Variants in ZNF385C observed in about 807,000 individuals in gnomAD.
The protein encoded by ZNF385C is zinc finger protein 385C.
Under a neutral mutation model 35.4 loss-of-function variants are expected in ZNF385C, and 28 were observed. That is an observed-to-expected ratio of 0.79 (90% confidence interval 0.59 to 1.08). The LOEUF (loss-of-function observed/expected upper bound fraction) is 1.08, where lower values mean the gene tolerates loss of function less well. ZNF385C is among the 50% of genes least tolerant of loss of function. The pLI, the probability that ZNF385C is intolerant of heterozygous loss-of-function variation, is 0.00. For missense variants in ZNF385C, 605 were observed against 595.6 expected (o/e 1.02, Z -0.16); for synonymous variants, 248 against 248.2 (o/e 1.00, Z 0.01).
At chr17:42,064,608 G>GTA (rs1299455733) in intron 1 of ZNF385C, among the ~76,000 whole-genome samples, 1 of 152,168 alleles carries the variant, frequency 6.6e-6, no homozygotes, top group Non-Finnish European at 1.5e-5. Context: ...CACCCAGGCT[G>GTA]TAGTGCATTG....
rs1336779638 is a variant in ZNF385C at position 42,043,517 on chromosome 17, C to T, written c.251-5632G>A. On this transcript the variant is annotated intron_variant, in intron 2 of 8. Transcript: ENST00000692273. ...GGCAGCCCGCCAGGCTAACAGGGCC[C>T]ATCCATCTAAGCCTGGAGAGTTTAT... 4 of 598,260 alleles carry T rather than the reference C, an allele frequency of 6.7e-6. No individual in the cohort carries two copies. In the South Asian group the frequency reaches 3.6e-4, roughly 54 times the overall value. 37.1% of individuals were successfully genotyped at this position (598,260 alleles called of 1,614,324 possible). A position where few individuals can be genotyped will look rare whatever the true frequency, so the allele number is the denominator to read the frequency against.
intron 7 of ZNF385C, 93 bp downstream of exon 7, chr17:42,027,957 C>T: frequency 6.7e-7 from 1 of 1,489,926 alleles, no homozygotes; most frequent in Non-Finnish European, 9.2e-7. Context: ...CTGCTGTGCC[C>T]TGCCTGCTCT....
At chr17:42,096,767 G>A (rs532977825) in intron 1 of ZNF385C, among the ~76,000 whole-genome samples, 33 of 152,214 alleles carry the variant, frequency 2.2e-4, no homozygotes, top group African/African-American at 6.5e-4. Context: ...AGCTCCTGCT[G>A]GTACTGGTCC....
intron 1 of ZNF385C, among the ~76,000 whole-genome samples, chr17:42,083,800 C>A (rs1885191194): frequency 7.7e-6 from 1 of 129,220 alleles, no homozygotes; most frequent in African/African-American, 2.9e-5. Context: ...ATCACTGCAA[C>A]CTCTGCCTCC....
At chr17:42,060,872 C>T (rs2053450200) in intron 2 of ZNF385C, among the ~76,000 whole-genome samples, 1 of 151,862 alleles carries the variant, frequency 6.6e-6, no homozygotes. Context: ...CTCACCACCA[C>T]ACCAGGCTAA....
At position 42,026,766 on chromosome 17, in the gene ZNF385C, C is replaced by T; in HGVS notation, c.*131G>A. The stretch of plus-strand genomic sequence containing the variant: ...GCAGCTGCCCTTAAAACTAGCCCAG[C>T]TCTTTCTGGATCGGGCAGGACCCCT... On this transcript the variant is annotated 3_prime_UTR_variant, in exon 9 of 9. Transcript: ENST00000692273. The T allele has an allele frequency of 1.1e-6, 1 of 915,910 alleles. No individual in the cohort carries two copies. Among genetic ancestry groups the T allele is most frequent in the Non-Finnish European group, 1.7e-6 (1 of 572,616 alleles). 56.7% of individuals were successfully genotyped at this position (915,910 alleles called of 1,614,324 possible). A position where few individuals can be genotyped will look rare whatever the true frequency, so the allele number is the denominator to read the frequency against.
chr17:42,092,126 C>A (rs1172134210), intron 1 of ZNF385C, among the ~76,000 whole-genome samples: 3 of 152,028 alleles, frequency 2.0e-5, no homozygotes, highest in Admixed American at 2.0e-4. Flanking sequence ...TTAGCCAGGC[C>A]CAGAGGTTCA....
At chr17:42,034,406 A>G (rs1232480984) in intron 3 of ZNF385C, 71 bp from the exon 4 acceptor site, 8 of 1,093,394 alleles carry the variant, frequency 7.3e-6, no homozygotes, top group Middle Eastern at 4.3e-4. Context: ...GGCAGCACAA[A>G]ATGCCCAAAA....
chr17:42,092,403 CAA>C (rs1286021105), intron 1 of ZNF385C, among the ~76,000 whole-genome samples: 1 of 136,700 alleles, frequency 7.3e-6, no homozygotes. Flanking sequence ...AGATTCGTGT[CAA>C]AAAAAAAAAA....
In ZNF385C at chr17:42,057,585, C is replaced by G. The variant is rs978677238; in HGVS notation, c.250+5222G>C. 3.8e-4 allele frequency among the ~76,000 whole-genome samples: 58 copies of G among 150,974 alleles called. 1 individual carries two copies. Among genetic ancestry groups the G allele is most frequent in the Admixed American group, 1.3e-4 (2 of 15,084 alleles). On this transcript the variant is annotated intron_variant, in intron 2 of 8. Coordinates refer to ENST00000692273, the MANE Select transcript of ZNF385C (RefSeq NM_001392013.1). ...AGTTCAGCCTTCTTCTGGGGAAGGTCCCTGTGCCACACCCCCATTGGGAGG... is the reference window on the plus strand; with the variant it reads ...AGTTCAGCCTTCTTCTGGGGAAGGTGCCTGTGCCACACCCCCATTGGGAGG...
At chr17:42,027,554 G>GCCCCACCCCCC in intron 8 of ZNF385C, 64 bp downstream of exon 8, 3 of 556,876 alleles carry the variant, frequency 5.4e-6, no homozygotes, top group Non-Finnish European at 3.3e-6. Context: ...CCCCCATCTG[G>GCCCCACCCCCC]CCCTCCCAGC....
At position 42,027,618 on chromosome 17, in the gene ZNF385C, C is replaced by T. The variant is rs781940212; in HGVS notation, c.1275G>A (p.Lys425=). 5 of 1,412,762 alleles carry T rather than the reference C, an allele frequency of 3.5e-6. No homozygotes were observed. The highest frequency in any genetic ancestry group is 1.5e-5 in the African/African-American group (1 of 67,016). 87.5% of individuals were successfully genotyped at this position (1,412,762 alleles called of 1,614,324 possible). A position where few individuals can be genotyped will look rare whatever the true frequency, so the allele number is the denominator to read the frequency against. The change falls in exon 8 of 9, where the codon AAG becomes AAA. Residue 425 remains lysine (K), a splice_region_variant and synonymous_variant. Transcript: ENST00000692273. ...KHAALAVSIL[K]SKLALQKQLT... ...AGCTCTGTTGCCTGGAGACAGATAC[C>T]TTGAGGATACTCACAGCCAGCGCTG... is the stretch of plus-strand genomic sequence containing the variant.
intron 1 of ZNF385C, among the ~76,000 whole-genome samples, chr17:42,086,426 G>A (rs1465858633): frequency 1.3e-5 from 2 of 151,356 alleles, no homozygotes; most frequent in Non-Finnish European, 2.9e-5. Context: ...CTAAGACCAG[G>A]CGCAGTGGCT....
chr17:42,080,562 G>T (rs1193991733), intron 1 of ZNF385C, among the ~76,000 whole-genome samples: 1 of 152,184 alleles, frequency 6.6e-6, no homozygotes, highest in African/African-American at 2.4e-5. Context: ...GGTCACCTGG[G>T]GTGGGGAAGG....
At chr17:42,085,078 C>A (rs1371654678) in intron 1 of ZNF385C, among the ~76,000 whole-genome samples, 2 of 152,256 alleles carry the variant, frequency 1.3e-5, no homozygotes, top group East Asian at 1.9e-4. Flanking sequence ...AGGCAGATCA[C>A]CTGAGGCCAG....
intron 1 of ZNF385C, among the ~76,000 whole-genome samples, chr17:42,066,935 G>C (rs2053555600): frequency 6.6e-6 from 1 of 152,152 alleles, no homozygotes; most frequent in African/African-American, 2.4e-5. Flanking sequence ...CAGGCGCGGT[G>C]GTGGGTGCCT....
In ZNF385C at chr17:42,028,477, G is replaced by C. The variant is rs964743858; in HGVS notation, c.968-231C>G. ...AAATAGCTGCCTTCCCCTTTGCTTT[G>C]ATCTCAGTCCTTTCCTTCTGGGTGT... On this transcript the variant is annotated intron_variant, in intron 6 of 8. Coordinates refer to ENST00000692273, the MANE Select transcript of ZNF385C (RefSeq NM_001392013.1). 3.1e-5 allele frequency: 18 copies of C among 586,038 alleles called. No individual in the cohort carries two copies. In the African/African-American group the frequency reaches 3.2e-4, roughly 10 times the overall value. The allele number at this position is 586,038 out of a possible 1,614,324, so 36.3% of individuals were successfully genotyped here.
chr17:42,045,298 G>C (rs1225967810), intron 2 of ZNF385C, among the ~76,000 whole-genome samples: 1 of 152,294 alleles, frequency 6.6e-6, no homozygotes, highest in Admixed American at 6.5e-5. Flanking sequence ...TGATCCGCCC[G>C]TCTCGGCCTC....
At chr17:42,068,370 T>C (rs2053577671) in intron 1 of ZNF385C, among the ~76,000 whole-genome samples, 1 of 152,170 alleles carries the variant, frequency 6.6e-6, no homozygotes, top group Admixed American at 6.5e-5. Context: ...TCAAAGCAAA[T>C]GGAAAGACGA....
Sources: gnomAD v4.1 joint callset for allele counts (sites outside exome capture counted in the v4.1 genomes callset) on GRCh38, gnomAD v4.1.1 for gene constraint, MANE v1.5 for transcripts, NCBI Gene and HGNC (gene_info 2026-07-23, HGNC 2026-07-21) for gene names.